IGF2BP3: variants seen among roughly 807,000 people sequenced by gnomAD.
IGF2BP3 encodes the protein insulin like growth factor 2 mRNA binding protein 3, also known as insulin-like growth factor 2 mRNA-binding protein 3.
IGF2BP3 carries 9 observed loss-of-function variants against 73.8 expected under a neutral mutation model. That is an observed-to-expected ratio of 0.12 (90% CI 0.07 to 0.21). The LOEUF (loss-of-function observed/expected upper bound fraction) is 0.21. IGF2BP3 is among the 10% of genes least tolerant of loss of function. The probability of loss-of-function intolerance (pLI) is 1.00; values close to 1 mark genes in which losing one functional copy is unlikely to be tolerated. For synonymous variants in IGF2BP3, 258 were observed against 256.7 expected, an observed-to-expected ratio of 1.01 and a Z score of -0.05; for missense variants, 542 against 714.0, an observed-to-expected ratio of 0.76 and a Z score of 2.75.
rs770716371 is a variant in IGF2BP3, at chr7:23,388,200, G to A, written c.286-26459C>T. Among the ~76,000 whole-genome samples the A allele has an allele frequency of 4.1e-4, 62 of 152,102 alleles. 1 individual carries two copies. The highest frequency in any genetic ancestry group is 8.7e-4 in the Non-Finnish European group (59 of 68,024). ...GATCCACCTGCCTCAGCCTCCCAAC[G>A]TGCTGGGATTACAGGCTTGAGCCAC... On this transcript the variant is annotated intron_variant, in intron 3 of 14. Transcript: ENST00000258729.
At chr7:23,432,523 AAAAC>A (rs561539210) in intron 2 of IGF2BP3, among the ~76,000 whole-genome samples, 46 of 152,314 alleles carry the variant, frequency 3.0e-4, no homozygotes, top group East Asian at 2.3e-3. Context: ...AAACAGGAAA[AAAAC>A]AAACAAACAA....
At chr7:23,454,481 A>G in intron 2 of IGF2BP3, among the ~76,000 whole-genome samples, 1 of 152,204 alleles carries the variant, frequency 6.6e-6, no homozygotes, top group East Asian at 1.9e-4. Context: ...CCACTACCAC[A>G]TGGTAAACAC....
At chr7:23,454,123 T>C (rs909480916) in intron 2 of IGF2BP3, among the ~76,000 whole-genome samples, 5 of 152,180 alleles carry the variant, frequency 3.3e-5, no homozygotes, top group Non-Finnish European at 7.3e-5. Context: ...CTAGATTGGA[T>C]ATCTTTTTGT....
At chr7:23,342,403 C>T (rs763676211) in intron 9 of IGF2BP3, among the ~76,000 whole-genome samples, 10 of 152,184 alleles carry the variant, frequency 6.6e-5, no homozygotes, top group Non-Finnish European at 1.3e-4. Flanking sequence ...TTTGCCCCCT[C>T]CTTGGTCCAC....
chr7:23,361,108 A>C (rs1458757291), intron 5 of IGF2BP3, among the ~76,000 whole-genome samples: 3 of 152,240 alleles, frequency 2.0e-5, no homozygotes, highest in Admixed American at 6.5e-5. Context: ...GTAATCAGGT[A>C]ACCAGTGAGT....
intron 2 of IGF2BP3, among the ~76,000 whole-genome samples, chr7:23,447,400 G>C (rs944078773): frequency 3.3e-5 from 5 of 152,174 alleles, no homozygotes; most frequent in Middle Eastern, 3.4e-3. Context: ...AAGGCAGGTA[G>C]ATCACTTGGG....
chr7:23,388,285 G>C (rs1035009933), intron 3 of IGF2BP3, among the ~76,000 whole-genome samples: 4 of 152,094 alleles, frequency 2.6e-5, no homozygotes, highest in African/African-American at 9.7e-5. Flanking sequence ...TTCCACCCCT[G>C]TGTATTTACC....
At chr7:23,446,121 C>T (rs1276927165) in intron 2 of IGF2BP3, among the ~76,000 whole-genome samples, 1 of 152,150 alleles carries the variant, frequency 6.6e-6, no homozygotes, top group African/African-American at 2.4e-5. Flanking sequence ...CACGTTAATA[C>T]ACTTGCCTTT....
chr7:23,371,731 C>A (rs1785554526), intron 3 of IGF2BP3, among the ~76,000 whole-genome samples: 1 of 152,216 alleles, frequency 6.6e-6, no homozygotes, highest in Non-Finnish European at 1.5e-5. Context: ...CATCATACCA[C>A]ACGGAGCAAA....
intron 2 of IGF2BP3, among the ~76,000 whole-genome samples, chr7:23,429,111 T>C (rs1351392131): frequency 1.3e-5 from 2 of 152,160 alleles, no homozygotes; most frequent in African/African-American, 4.8e-5. Flanking sequence ...TACAATCTGG[T>C]CACTAGAGGC....
At chr7:23,321,654 T>A (rs981752085) in intron 10 of IGF2BP3, among the ~76,000 whole-genome samples, 1 of 152,228 alleles carries the variant, frequency 6.6e-6, no homozygotes, top group Non-Finnish European at 1.5e-5. Flanking sequence ...CAGTAACCTC[T>A]GCAGACTTAA....
intron 2 of IGF2BP3, among the ~76,000 whole-genome samples, chr7:23,454,768 C>T (rs910712157): frequency 3.9e-5 from 6 of 152,178 alleles, no homozygotes; most frequent in Non-Finnish European, 8.8e-5. Context: ...GGTAGTAGTA[C>T]GTGCACACAG....
intron 2 of IGF2BP3, among the ~76,000 whole-genome samples, chr7:23,436,816 C>G (rs1787817588): frequency 6.6e-6 from 1 of 152,128 alleles, no homozygotes; most frequent in Non-Finnish European, 1.5e-5. Flanking sequence ...TATAGTATAA[C>G]TTCAAATATA....
At chr7:23,369,291 G>A (rs1303210608) in intron 3 of IGF2BP3, among the ~76,000 whole-genome samples, 1 of 152,072 alleles carries the variant, frequency 6.6e-6, no homozygotes, top group Non-Finnish European at 1.5e-5. Context: ...CATGATCCAT[G>A]ATCCAATCAG....
intron 2 of IGF2BP3, among the ~76,000 whole-genome samples, chr7:23,422,049 G>T (rs1787364147): frequency 6.6e-6 from 1 of 152,058 alleles, no homozygotes; most frequent in East Asian, 1.9e-4. Context: ...CAAAGTGCTG[G>T]GATTACAGGT....
chr7:23,342,680 G>A (rs1169674245), intron 9 of IGF2BP3, among the ~76,000 whole-genome samples: 1 of 152,148 alleles, frequency 6.6e-6, no homozygotes, highest in Non-Finnish European at 1.5e-5. Flanking sequence ...CCATCCCCAT[G>A]TAACTACTGC....
chr7:23,451,071 TTGC>T (rs1788185296), intron 2 of IGF2BP3, among the ~76,000 whole-genome samples: 1 of 152,200 alleles, frequency 6.6e-6, no homozygotes, highest in Non-Finnish European at 1.5e-5. Flanking sequence ...CAGTTTCCAG[TTGC>T]CTCTTAGGCC....
intron 10 of IGF2BP3, among the ~76,000 whole-genome samples, chr7:23,339,545 A>C (rs1784656901): frequency 6.6e-6 from 1 of 152,250 alleles, no homozygotes; most frequent in Non-Finnish European, 1.5e-5. Flanking sequence ...GTAAGTGTAA[A>C]AGACTGATGT....
intron 5 of IGF2BP3, among the ~76,000 whole-genome samples, chr7:23,360,236 G>A (rs1446388566): frequency 1.3e-5 from 2 of 152,010 alleles, no homozygotes; most frequent in African/African-American, 2.4e-5. Flanking sequence ...ACATACACAC[G>A]ACATGCAAAA....
Sources: gnomAD v4.1 joint callset for allele counts (sites outside exome capture counted in the v4.1 genomes callset) on GRCh38, gnomAD v4.1.1 for gene constraint, MANE v1.5 for transcripts, NCBI Gene and HGNC (gene_info 2026-07-23, HGNC 2026-07-21) for gene names.